SALL2: variants seen among roughly 807,000 people sequenced by gnomAD.
SALL2 encodes the protein sal-like protein 2.
A neutral mutation model predicts 58.5 loss-of-function variants in SALL2; 32 were observed. The observed-to-expected ratio is 0.55, with a 90% CI of 0.41 to 0.74. The LOEUF (loss-of-function observed/expected upper bound fraction) is 0.74, where lower values mean the gene tolerates loss of function less well. SALL2 is among the 30% of genes least tolerant of loss of function. The probability of loss-of-function intolerance (pLI) is 0.00; values close to 1 mark genes in which losing one functional copy is unlikely to be tolerated. For missense variants in SALL2, 1,201 were observed against 1,268.9 expected, an observed-to-expected ratio of 0.95 and a Z score of 0.81; for synonymous variants, 516 against 513.6, an observed-to-expected ratio of 1.00 and a Z score of -0.06.
Position 21,524,620 on chromosome 14 carries a change from C to G in SALL2, c.1102G>C (p.Gly368Arg). 6.2e-7 allele frequency: 1 copy of G among 1,614,198 alleles called. No homozygotes were observed. Among genetic ancestry groups the G allele is most frequent in the Admixed American group, 1.7e-5 (1 of 60,032 alleles). ...GEVMGPLEKP[G>R]GRHKCRFCAK... The stretch of plus-strand genomic sequence containing the variant: ...CAGAAGCGGCATTTGTGCCTTCCAC[C>G]AGGCTTCTCCAAGGGACCCATCACT... Residue 368 changes from glycine to arginine, a missense_variant, in exon 2 of 2, where the codon GGT (glycine) becomes CGT (arginine). Physicochemically the swap from Gly to Arg is moderately radical, Grantham distance 125. This residue lies in a region of SALL2 where 467 missense variants were observed against 468.9 expected (regional missense o/e 1.00). Transcript: ENST00000537235.
chr14:21,525,311 GC>G lies in SALL2; in HGVS notation c.410del (p.Gly137AlafsTer2). On this transcript the variant is annotated frameshift_variant, in exon 2 of 2. Coordinates refer to ENST00000537235, the MANE Select transcript of SALL2 (RefSeq NM_001364564.1). LOFTEE classifies it high-confidence loss of function. The surrounding 1 kb of genome is among the most constrained non-coding windows in gnomAD (Gnocchi z 4.4). The part of the protein sequence containing the change: ...ATGTAAGGGG[G>X]LILASPKLGA... ...CCAGCTTGGGACTGGCCAAGATCAG[GC>G]CCCCGCCTCCCCCAGCCGCTGTACC... 2.5e-6 allele frequency: 4 copies of G among 1,612,582 alleles called. No individual in the cohort carries two copies. The highest frequency in any genetic ancestry group is 3.4e-6 in the Non-Finnish European group (4 of 1,179,294).
chr14:21,528,173 A>G (rs1320168019), upstream of SALL2, among the ~76,000 whole-genome samples: 1 of 152,044 alleles, frequency 6.6e-6, no homozygotes, highest in African/African-American at 2.4e-5. Context: ...ATTAATATGT[A>G]CATGTGAGAT....
At position 21,525,547 on chromosome 14, in the gene SALL2, G is replaced by A. The variant is rs1265258548; in HGVS notation, c.175C>T (p.Pro59Ser). 4 of 1,614,010 alleles carry A rather than the reference G, an allele frequency of 2.5e-6. No homozygotes were observed. Among genetic ancestry groups the A allele is most frequent in the Middle Eastern group, 1.7e-4 (1 of 6,060 alleles). The change falls in exon 2 of 2, where the codon CCT becomes TCT. Residue 59 changes from proline (P) to serine (S), a missense_variant. By Grantham distance (74) the Pro-to-Ser change is moderately conservative. Around this residue, in one of 3 missense-constraint regions of SALL2, gnomAD observed 467 missense variants for 468.9 expected, o/e 1.00. Transcript: ENST00000537235. The surrounding 1 kb of genome is among the most constrained non-coding windows in gnomAD (Gnocchi z 4.4). ...AHQNACSTDP[P>S]VMVIIGGQEN... ...TGGCCCCCAATTATCACCATTACAG[G>A]AGGGTCAGTAGAACATGCGTTCTGG...
rs745618942 is a variant in SALL2, at chr14:21,525,685, G to A, written c.68-31C>T. The A allele has an allele frequency of 1.9e-6, 3 of 1,539,576 alleles. No homozygotes were observed. The highest frequency in any genetic ancestry group is 2.7e-5 in the African/African-American group (2 of 72,738). On this transcript the variant is annotated intron_variant, in intron 1 of 1. Transcript: ENST00000537235. This position sits in a 1 kb window ranked among gnomAD's most constrained non-coding sequence, Gnocchi z 4.4. ...GAGAAGACAAGGAGAGAGAGCGTGG[G>A]TGGCGCAGTTGGGTTGGGTATACCG... is the stretch of plus-strand genomic sequence containing the variant.
At chr14:21,526,997 G>C (rs1302672029), upstream of SALL2, among the ~76,000 whole-genome samples, 1 of 152,006 alleles carries the variant, frequency 6.6e-6, no homozygotes, top group African/African-American at 2.4e-5. Flanking sequence ...GCTGAATGCA[G>C]GTTACTCCGC....
chr14:21,533,690 C>A (rs1337469025), intron 1 of SALL2, among the ~76,000 whole-genome samples: 1 of 151,472 alleles, frequency 6.6e-6, no homozygotes, highest in Non-Finnish European at 1.5e-5. Flanking sequence ...GGTTTTGATG[C>A]TCTGGTTAGG....
upstream of SALL2, among the ~76,000 whole-genome samples, chr14:21,529,654 AAAAG>A (rs1441114163): frequency 6.6e-6 from 1 of 151,990 alleles, no homozygotes; most frequent in African/African-American, 2.4e-5. Flanking sequence ...AAAAAAAAAG[AAAAG>A]AAAGTTTAAG....
chr14:21,522,873 C>T lies in SALL2; in HGVS notation c.2849G>A (p.Arg950Gln), dbSNP rs762891326. Residue 950 changes from arginine to glutamine, a missense_variant, in exon 2 of 2, where the codon CGG becomes CAG. Coordinates refer to ENST00000537235, the MANE Select transcript of SALL2 (RefSeq NM_001364564.1). ...CVFCRQGFLE[R>Q]ATLKKHMLLA... ...GAGCATATGCTTCTTGAGGGTAGCC[C>T]GCTCAAGAAAGCCCTGCCTGCAGAA... 114 of 1,610,572 alleles carry T rather than the reference C, an allele frequency of 7.1e-5. No individual in the cohort carries two copies. Among genetic ancestry groups the T allele is most frequent in the Middle Eastern group, 1.7e-4 (1 of 6,050 alleles).
chr14:21,522,075 G>C lies in SALL2; in HGVS notation c.*629C>G. 1 of 1,597,504 alleles carries C rather than the reference G, an allele frequency of 6.3e-7. No individual in the cohort carries two copies. The highest frequency in any genetic ancestry group is 2.2e-5 in the East Asian group (1 of 44,856). ...TGCAGGAGGCTGAAATAGGAGGGGGGCTGTCTTCTCCTTGGCTTCCCTGGA... is the reference window on the plus strand; with the variant it reads ...TGCAGGAGGCTGAAATAGGAGGGGGCCTGTCTTCTCCTTGGCTTCCCTGGA... On this transcript the variant is annotated 3_prime_UTR_variant, in exon 2 of 2. Transcript: ENST00000537235.
At chr14:21,532,958 G>A (rs186884031) in intron 1 of SALL2, among the ~76,000 whole-genome samples, 259 of 151,752 alleles carry the variant, frequency 1.7e-3, no homozygotes, top group Non-Finnish European at 3.1e-3. Flanking sequence ...GCGAGACTCC[G>A]TCTCAAAATA....
At chr14:21,535,112 A>G (rs940005680) in intron 1 of SALL2, among the ~76,000 whole-genome samples, 18 of 152,236 alleles carry the variant, frequency 1.2e-4, no homozygotes, top group East Asian at 5.8e-4. Flanking sequence ...TTGGGAGGCC[A>G]AGGCGGGCAG....
exon 1 of SALL2, chr14:21,537,002 G>T: frequency 8.0e-7 from 1 of 1,246,452 alleles, no homozygotes; most frequent in South Asian, 1.2e-5. Flanking sequence ...CTCCCCCTTG[G>T]GTCCGAAGCC....
At position 21,522,942 on chromosome 14, in the gene SALL2, T is replaced by A. The variant is rs1296582884; in HGVS notation, c.2780A>T (p.His927Leu). Residue 927 changes from histidine (H) to leucine (L), a missense_variant, in exon 2 of 2, where the codon CAT (histidine) becomes CTT (leucine). Physicochemically the swap from His to Leu is moderately conservative, Grantham distance 99. This residue lies in a region of SALL2 where 675 missense variants were observed against 683.8 expected (regional missense o/e 0.99). Coordinates refer to ENST00000537235, the MANE Select transcript of SALL2 (RefSeq NM_001364564.1). The part of the protein sequence containing the change: ...AFPSQAALEE[H>L]QKTHPKEGPL... ...CCCCTCCTTGGGGTGGGTCTTCTGA[T>A]GCTCCTCCAGAGCTGCCTGGGAGGG... is the stretch of plus-strand genomic sequence containing the variant. 1 of 1,614,106 alleles carries A rather than the reference T, an allele frequency of 6.2e-7. No homozygotes were observed. The highest frequency in any genetic ancestry group is 8.5e-7 in the Non-Finnish European group (1 of 1,179,998).
rs1892070701 is a variant in SALL2 at position 21,522,342 on chromosome 14, G to C, written c.*362C>G. The C allele has an allele frequency of 6.9e-7, 1 of 1,456,620 alleles. No individual in the cohort carries two copies. The highest frequency in any genetic ancestry group is 2.4e-5 in the Admixed American group (1 of 41,422). 90.2% of individuals were successfully genotyped at this position (1,456,620 alleles called of 1,614,324 possible). On this transcript the variant is annotated 3_prime_UTR_variant, in exon 2 of 2. Transcript: ENST00000537235. ...CAGAGACAGCTGCCAGCCCTTTTTG[G>C]CTAGGCTGCAATGCCAAATGTAGGT...
chr14:21,523,350 T>G lies in SALL2; in HGVS notation c.2372A>C (p.Glu791Ala). The G allele has an allele frequency of 2.5e-6, 4 of 1,613,666 alleles. No homozygotes were observed. The highest frequency in any genetic ancestry group is 3.4e-6 in the Non-Finnish European group (4 of 1,180,030). Residue 791 changes from glutamate to alanine, a missense_variant, in exon 2 of 2, where the codon GAG (glutamate) becomes GCG (alanine). Around this residue, in one of 3 missense-constraint regions of SALL2, gnomAD observed 675 missense variants for 683.8 expected, o/e 0.99. Transcript: ENST00000537235. The surrounding 1 kb of genome is among the most constrained non-coding windows in gnomAD (Gnocchi z 4.4). ...LAGRGSESGG[E>A]KAISVRGDSE... Reference sequence around the variant, plus strand: ...ATCACCTCTCACTGATATTGCCTTCTCACCTCCACTCTCTGAGCCTCTCCC... The same window carrying G: ...ATCACCTCTCACTGATATTGCCTTCGCACCTCCACTCTCTGAGCCTCTCCC...
chr14:21,525,614 C>G lies in SALL2; in HGVS notation c.108G>C (p.Lys36Asn), dbSNP rs377446841. The change falls in exon 2 of 2, where the codon AAG becomes AAC. Residue 36 changes from lysine to asparagine, a missense_variant. By Grantham distance (94) the Lys-to-Asn change is moderately conservative. Around this residue, in one of 3 missense-constraint regions of SALL2, gnomAD observed 467 missense variants for 468.9 expected, o/e 1.00. Transcript: ENST00000537235. The surrounding 1 kb of genome is among the most constrained non-coding windows in gnomAD (Gnocchi z 4.4). The stretch of plus-strand genomic sequence containing the variant: ...TTGGGTCAGTGAATTGTGCGCAGCA[C>G]TTGGCACAGACTTGGGGGTGATCCT... ...SEEDHPQVCA[K>N]CCAQFTDPTE... 1.8e-5 allele frequency: 29 copies of G among 1,602,994 alleles called. No homozygotes were observed. Among genetic ancestry groups the G allele is most frequent in the Non-Finnish European group, 2.4e-5 (28 of 1,174,002 alleles).
At chr14:21,528,095 G>A (rs1423763675), upstream of SALL2, among the ~76,000 whole-genome samples, 3 of 151,484 alleles carry the variant, frequency 2.0e-5, no homozygotes, top group African/African-American at 7.3e-5. Flanking sequence ...CTGAGATCGT[G>A]GCATTGCACT....
Position 21,525,828 on chromosome 14 carries a change from C to A in SALL2, c.68-174G>T, listed in dbSNP as rs1892279902. ...CTGATCCGTGTGGACAGGAGACAAC[C>A]CGGCATGGGGCAGGGGGGTGGGGAG... On this transcript the variant is annotated intron_variant, in intron 1 of 1. Coordinates refer to ENST00000537235, the MANE Select transcript of SALL2 (RefSeq NM_001364564.1). This position sits in a 1 kb window ranked among gnomAD's most constrained non-coding sequence, Gnocchi z 4.4. 8.3e-6 allele frequency among the ~76,000 whole-genome samples: 1 copy of A among 121,078 alleles called. No individual in the cohort carries two copies. Among genetic ancestry groups the A allele is most frequent in the South Asian group, 2.8e-4 (1 of 3,618 alleles). 79.4% of individuals were successfully genotyped at this position (121,078 alleles called of 152,430 possible).
At chr14:21,536,980 ACCTGGTCTCGTCT>A (rs1892614631) in exon 1 of SALL2, 1 of 1,507,132 alleles carries the variant, frequency 6.6e-7, no homozygotes, top group African/African-American at 1.4e-5. Context: ...AACCGGGGTG[ACCTGGTCTCGTCT>A]CCCCCTTGGG....
Sources: allele counts gnomAD v4.1 joint callset (sites outside exome capture counted in the v4.1 genomes callset), GRCh38; gene constraint gnomAD v4.1.1; regional missense constraint gnomAD v4.1.1; non-coding constraint Gnocchi (gnomAD v3.1); transcripts MANE v1.5; gene names NCBI Gene and HGNC (gene_info 2026-07-23, HGNC 2026-07-21).